Variants in PAK4 observed in about 807,000 individuals in gnomAD.
PAK4 encodes p21 (RAC1) activated kinase 4.
PAK4 carries 49 observed loss-of-function variants against 53.5 expected under a neutral mutation model. The ratio of observed to expected loss-of-function variants is 0.92; its 90% CI spans 0.73 to 1.16. The LOEUF is 1.16. PAK4 is among the 50% of genes most tolerant of loss of function. The probability of loss-of-function intolerance (pLI) is 0.00; values close to 1 mark genes in which losing one functional copy is unlikely to be tolerated. For synonymous variants in PAK4, 376 were observed against 375.6 expected, an observed-to-expected ratio of 1.00 and a Z score of -0.01; for missense variants, 824 against 850.7, an observed-to-expected ratio of 0.97 and a Z score of 0.39.
Position 39,178,511 on chromosome 19 carries a change from C to T in PAK4, c.1708C>T (p.Pro570Ser). ...CACGGCAGCCGAGCTGCTGAAGCAC[C>T]CATTCCTGGCCAAGGCAGGGCCGCC... The change falls in exon 9 of 9, where the codon CCA (proline) becomes TCA (serine). Residue 570 changes from proline to serine, a missense_variant. Pro to Ser is a moderately conservative substitution (Grantham distance 74). Coordinates refer to ENST00000358301, the Ensembl canonical transcript of PAK4. This position sits in a 1 kb window ranked among gnomAD's most constrained non-coding sequence, Gnocchi z 4.4. 6.2e-7 allele frequency: 1 copy of T among 1,612,222 alleles called. No homozygotes were observed.
At chr19:39,169,840 G>A (rs1050835114) in intron 2 of PAK4, 83 bp downstream of exon 3, 269 of 927,690 alleles carry the variant, frequency 2.9e-4, no homozygotes, top group Admixed American at 7.2e-5. Context: ...TCGACCCTGT[G>A]ACCGACACCT....
rs775892771 is a variant in PAK4 at position 39,175,414 on chromosome 19, G to C, written c.1335G>C (p.Ser445=). The change falls in exon 6 of 9, where the codon TCG becomes TCC. Residue 445 remains serine, a synonymous_variant. Transcript: ENST00000358301. The surrounding 1 kb of genome is among the most constrained non-coding windows in gnomAD (Gnocchi z 4.7). The stretch of plus-strand genomic sequence containing the variant: ...TCCACCGGGACATCAAGAGCGACTC[G>C]ATCCTGCTGACCCATGATGGCAGGG... The C allele has an allele frequency of 1.9e-6, 3 of 1,611,742 alleles. No homozygotes were observed. Among genetic ancestry groups the C allele is most frequent in the Non-Finnish European group, 2.5e-6 (3 of 1,179,500 alleles).
intron 1 of PAK4, among the ~76,000 whole-genome samples, chr19:39,146,418 G>A (rs1474783556): frequency 6.6e-6 from 1 of 152,228 alleles, no homozygotes; most frequent in Admixed American, 6.5e-5. Context: ...TTGTCCCAAG[G>A]AGAGCAAATA....
intron 1 of PAK4, among the ~76,000 whole-genome samples, chr19:39,130,072 C>T (rs985127515): frequency 3.3e-5 from 3 of 92,262 alleles, no homozygotes; most frequent in African/African-American, 9.6e-5. Context: ...GAGGCCTAGG[C>T]GAGGGTCAGG....
At chr19:39,176,223 G>A (rs1482509367) in intron 6 of PAK4, among the ~76,000 whole-genome samples, 1 of 152,324 alleles carries the variant, frequency 6.6e-6, no homozygotes, top group Non-Finnish European at 1.5e-5. Context: ...TGCTCCAACC[G>A]AACTAAAGAC....
chr19:39,158,597 T>G (rs1037352427), intron 1 of PAK4, among the ~76,000 whole-genome samples: 3 of 152,226 alleles, frequency 2.0e-5, no homozygotes, highest in Non-Finnish European at 2.9e-5. Context: ...GCCCTTTGTG[T>G]CTGTGCCCTT....
At chr19:39,158,319 T>TTGCTGCCTGGTGTATG (rs1868992713) in intron 1 of PAK4, among the ~76,000 whole-genome samples, 1 of 152,214 alleles carries the variant, frequency 6.6e-6, no homozygotes. Flanking sequence ...GAGGCCGTGG[T>TTGCTGCCTGGTGTATG]TGCTGCCTGG....
chr19:39,135,409 C>A lies in PAK4; in HGVS notation c.-23+9490C>A, dbSNP rs370286896. ...GGAGTGCAGCAGCGCGATCTCAGCTCACTGCAACCTCCGCTTCCCAGATCC... is the reference window on the plus strand; with the variant it reads ...GGAGTGCAGCAGCGCGATCTCAGCTAACTGCAACCTCCGCTTCCCAGATCC... On this transcript the variant is annotated intron_variant, in intron 1 of 8. Transcript: ENST00000358301. Among the ~76,000 whole-genome samples the A allele has an allele frequency of 3.5e-5, 5 of 143,874 alleles. No homozygotes were observed. In the East Asian group the frequency reaches 8.3e-4, roughly 24 times the overall value. The allele number at this position is 143,874 out of a possible 152,430, so 94.4% of individuals were successfully genotyped here.
intron 1 of PAK4, among the ~76,000 whole-genome samples, chr19:39,155,839 A>T (rs1364806117): frequency 6.6e-6 from 1 of 152,110 alleles, no homozygotes; most frequent in Non-Finnish European, 1.5e-5. Context: ...CTGCTGAAGG[A>T]CCTGTCTCAT....
chr19:39,175,462 C>A lies in PAK4; in HGVS notation c.1359+24C>A. ...GGGTGAGGGGACGGGCGGCGGGGTA[C>A]GGGGGCGGCAGGTTTCCGGCTGCGG... On this transcript the variant is annotated intron_variant, in intron 6 of 8. Coordinates refer to ENST00000358301, the Ensembl canonical transcript of PAK4. This position sits in a 1 kb window ranked among gnomAD's most constrained non-coding sequence, Gnocchi z 4.7. 1 of 1,567,176 alleles carries A rather than the reference C, an allele frequency of 6.4e-7. No individual in the cohort carries two copies. The highest frequency in any genetic ancestry group is 1.4e-5 in the African/African-American group (1 of 69,384).
intron 1 of PAK4, among the ~76,000 whole-genome samples, chr19:39,137,684 T>C (rs1268512640): frequency 6.6e-6 from 1 of 151,544 alleles, no homozygotes; most frequent in Non-Finnish European, 1.5e-5. Flanking sequence ...TTTTTTTTTT[T>C]GAGACAGAGT....
intron 2 of PAK4, among the ~76,000 whole-genome samples, chr19:39,172,293 G>A (rs977818203): frequency 1.1e-4 from 16 of 152,116 alleles, no homozygotes; most frequent in Admixed American, 2.6e-4. Flanking sequence ...TGCAGGACAC[G>A]ACTCAGACCA....
chr19:39,171,776 C>T (rs535144433), intron 2 of PAK4, among the ~76,000 whole-genome samples: 149 of 152,316 alleles, frequency 9.8e-4, no homozygotes, highest in African/African-American at 1.2e-3. Context: ...CTGGCAGCCC[C>T]GGGCAGGGTC....
At chr19:39,165,522 A>ATAAATAAATAAC in intron 1 of PAK4, among the ~76,000 whole-genome samples, 1 of 127,234 alleles carries the variant, frequency 7.9e-6, no homozygotes, top group Non-Finnish European at 1.8e-5. Flanking sequence ...CTCAAAATAA[A>ATAAATAAATAAC]TAAATAAATA....
intron 1 of PAK4, among the ~76,000 whole-genome samples, chr19:39,158,600 G>A (rs1157176235): frequency 6.6e-6 from 1 of 152,238 alleles, no homozygotes; most frequent in Non-Finnish European, 1.5e-5. Flanking sequence ...CTTTGTGTCT[G>A]TGCCCTTTTG....
intron 1 of PAK4, among the ~76,000 whole-genome samples, chr19:39,132,755 C>T (rs2073737660): frequency 6.6e-6 from 1 of 152,232 alleles, no homozygotes; most frequent in African/African-American, 2.4e-5. Context: ...GGTTGTCTGG[C>T]TCACACTCCC....
At chr19:39,166,770 G>A (rs533012571) in intron 1 of PAK4, among the ~76,000 whole-genome samples, 3 of 152,248 alleles carry the variant, frequency 2.0e-5, no homozygotes, top group South Asian at 2.1e-4. Flanking sequence ...GGCCTGGCAC[G>A]GCCTCTGTGG....
Position 39,130,275 on chromosome 19 carries a change from C to T in PAK4, c.-23+4356C>T, listed in dbSNP as rs542366394. On this transcript the variant is annotated intron_variant, in intron 1 of 8. Transcript: ENST00000358301. The stretch of plus-strand genomic sequence containing the variant: ...AGTGGTCAGAGAAGGATGGGGAAAC[C>T]CAGGCAGAGGGGTCAGGGCGGGATG... 2.2e-3 allele frequency among the ~76,000 whole-genome samples: 324 copies of T among 148,958 alleles called. 2 individuals are homozygous for T. The highest frequency in any genetic ancestry group is 8.9e-4 in the Non-Finnish European group (60 of 67,094).
intron 1 of PAK4, among the ~76,000 whole-genome samples, chr19:39,127,808 C>T (rs533326011): frequency 1.3e-5 from 2 of 152,344 alleles, no homozygotes; most frequent in South Asian, 2.1e-4. Flanking sequence ...GCCTGAGTCC[C>T]TTTCCCCTGG....
Sources: gnomAD v4.1 joint callset for allele counts (sites outside exome capture counted in the v4.1 genomes callset) on GRCh38, gnomAD v4.1.1 for gene constraint, Gnocchi (gnomAD v3.1) non-coding constraint, MANE v1.5 for transcripts, NCBI Gene and HGNC (gene_info 2026-07-23, HGNC 2026-07-21) for gene names.